Variants in TAFA1 observed in about 807,000 individuals in gnomAD.
TAFA1 encodes the protein TAFA chemokine like family member 1, also known as chemokine-like protein TAFA-1.
In TAFA1, 4 loss-of-function variants were observed where a neutral mutation model predicts 18.5. The observed-to-expected ratio is 0.22, with a 90% CI of 0.11 to 0.49. The LOEUF (loss-of-function observed/expected upper bound fraction) is 0.49, where lower values mean the gene tolerates loss of function less well. TAFA1 is among the 20% of genes least tolerant of loss of function. The pLI, the probability that TAFA1 is intolerant of heterozygous loss-of-function variation, is 0.98. For synonymous variants in TAFA1, 56 were observed against 55.2 expected, an observed-to-expected ratio of 1.01 and a Z score of -0.06; for missense variants, 147 against 169.0, an observed-to-expected ratio of 0.87 and a Z score of 0.72.
chr3:68,539,665 C>G (rs879838292), intron 4 of TAFA1, among the ~76,000 whole-genome samples: 1,782 of 26,110 alleles, frequency 0.068, 21 homozygotes, highest in Middle Eastern at 0.19. Flanking sequence ...TTGTCTCTCT[C>G]TGTGTGTGTG....
At chr3:68,351,845 C>A (rs995366880) in intron 2 of TAFA1, among the ~76,000 whole-genome samples, 3 of 151,940 alleles carry the variant, frequency 2.0e-5, no homozygotes, top group African/African-American at 7.2e-5. Context: ...TTTGTGTTTG[C>A]AAAGCTCTGT....
intron 3 of TAFA1, among the ~76,000 whole-genome samples, chr3:68,533,066 G>A (rs2073213670): frequency 6.7e-6 from 1 of 150,244 alleles, no homozygotes; most frequent in Admixed American, 6.6e-5. Context: ...GGAAAAGTGG[G>A]CAGGGTGGTA....
At chr3:68,501,065 G>C (rs542922810) in intron 3 of TAFA1, among the ~76,000 whole-genome samples, 4 of 143,878 alleles carry the variant, frequency 2.8e-5, no homozygotes, top group Non-Finnish European at 4.5e-5. Flanking sequence ...TGAGGCACGA[G>C]AATCACTTGA....
chr3:68,451,635 AG>A (rs567762931), intron 3 of TAFA1, among the ~76,000 whole-genome samples: 31 of 152,350 alleles, frequency 2.0e-4, no homozygotes, highest in Admixed American at 1.9e-3. Flanking sequence ...GGGAAAAAAA[AG>A]TATAACAGTG....
At chr3:68,185,527 G>T (rs1199729483) in intron 2 of TAFA1, among the ~76,000 whole-genome samples, 1 of 152,054 alleles carries the variant, frequency 6.6e-6, no homozygotes, top group Non-Finnish European at 1.5e-5. Flanking sequence ...TTCACTTCTT[G>T]TCTTAAATGA....
chr3:68,091,542 G>A (rs1162826654), intron 2 of TAFA1, among the ~76,000 whole-genome samples: 1 of 152,062 alleles, frequency 6.6e-6, no homozygotes, highest in Non-Finnish European at 1.5e-5. Flanking sequence ...AATGAGCAAA[G>A]CAAACATGGT....
chr3:68,196,674 C>T (rs1017908838), intron 2 of TAFA1, among the ~76,000 whole-genome samples: 18 of 151,750 alleles, frequency 1.2e-4, no homozygotes, highest in African/African-American at 3.6e-4. Context: ...AACCAAGGCT[C>T]AAACTGCTGT....
intron 2 of TAFA1, among the ~76,000 whole-genome samples, chr3:68,353,679 G>A (rs754069635): frequency 3.3e-5 from 5 of 152,000 alleles, no homozygotes; most frequent in Non-Finnish European, 7.4e-5. Context: ...CGAGCCTGAG[G>A]CAGACAGCAG....
intron 2 of TAFA1, among the ~76,000 whole-genome samples, chr3:68,032,878 C>T (rs1041892693): frequency 6.6e-6 from 1 of 152,140 alleles, no homozygotes; most frequent in African/African-American, 2.4e-5. Context: ...TTGCGCTTTT[C>T]AGTTCTTTTC....
At chr3:68,086,589 C>T (rs1362513966) in intron 2 of TAFA1, among the ~76,000 whole-genome samples, 1 of 152,056 alleles carries the variant, frequency 6.6e-6, no homozygotes, top group African/African-American at 2.4e-5. Context: ...TTTTAAAATC[C>T]ATGTCTGAAT....
At chr3:68,343,391 A>G (rs1032148430) in intron 2 of TAFA1, among the ~76,000 whole-genome samples, 2 of 152,142 alleles carry the variant, frequency 1.3e-5, no homozygotes, top group African/African-American at 4.8e-5. Context: ...TATGTACACT[A>G]AAGTTTGAGA....
chr3:68,018,031 C>T lies in TAFA1; in HGVS notation c.118+11287C>T, dbSNP rs1367191475. Reference sequence around the variant, plus strand: ...AACAGAACAAGTAAAGACTTAGAGACAGGTAAGTGTAAAAGGATGGGGTAG... The same window carrying T: ...AACAGAACAAGTAAAGACTTAGAGATAGGTAAGTGTAAAAGGATGGGGTAG... On this transcript the variant is annotated intron_variant, in intron 2 of 4. Coordinates refer to ENST00000478136, the MANE Select transcript of TAFA1 (RefSeq NM_213609.4). 3.3e-5 allele frequency among the ~76,000 whole-genome samples: 5 copies of T among 152,166 alleles called. No homozygotes were observed. In the East Asian group the frequency reaches 7.7e-4, roughly 23 times the overall value.
At chr3:67,998,509 G>C in the TAFA1 span, among the ~76,000 whole-genome samples, 1 of 152,158 alleles carries the variant, frequency 6.6e-6, no homozygotes, top group Non-Finnish European at 1.5e-5. Flanking sequence ...CCCTGGTCAA[G>C]GTCACTGGCT....
At chr3:68,363,719 G>A (rs1245415431) in intron 2 of TAFA1, among the ~76,000 whole-genome samples, 1 of 152,124 alleles carries the variant, frequency 6.6e-6, no homozygotes, top group Non-Finnish European at 1.5e-5. Flanking sequence ...TCTTTTTAAA[G>A]AAGTAAATCA....
intron 2 of TAFA1, among the ~76,000 whole-genome samples, chr3:68,337,611 C>T (rs1194790918): frequency 1.3e-5 from 2 of 152,074 alleles, no homozygotes; most frequent in African/African-American, 4.8e-5. Flanking sequence ...ATAAACATAC[C>T]CATCACCTGC....
intron 3 of TAFA1, among the ~76,000 whole-genome samples, chr3:68,468,597 G>T (rs190288794): frequency 4.6e-5 from 7 of 152,292 alleles, no homozygotes; most frequent in African/African-American, 1.7e-4. Flanking sequence ...CTGACCACTT[G>T]TTACCCCTTC....
intron 2 of TAFA1, among the ~76,000 whole-genome samples, chr3:68,262,884 A>T (rs190275263): frequency 6.6e-6 from 1 of 152,194 alleles, no homozygotes; most frequent in African/African-American, 2.4e-5. Context: ...ATGATGTTAG[A>T]CATTAAATGT....
intron 2 of TAFA1, among the ~76,000 whole-genome samples, chr3:68,238,956 A>G (rs1433092259): frequency 2.0e-5 from 3 of 152,170 alleles, no homozygotes; most frequent in African/African-American, 7.2e-5. Context: ...GCTTTAAAAC[A>G]TATCCCACTT....
At chr3:68,098,098 G>A (rs77801392) in intron 2 of TAFA1, among the ~76,000 whole-genome samples, 1,790 of 152,270 alleles carry the variant, frequency 0.012, 23 homozygotes, top group Non-Finnish European at 0.016. Context: ...CAAAGAACCT[G>A]TTGTGGTCTC....
Sources: allele counts gnomAD v4.1 joint callset (sites outside exome capture counted in the v4.1 genomes callset), GRCh38; gene constraint gnomAD v4.1.1; transcripts MANE v1.5; gene names NCBI Gene and HGNC (gene_info 2026-07-23, HGNC 2026-07-21).